The following KIF26B variants were observed in gnomAD, a reference collection of about 807,000 sequenced individuals.
The protein encoded by KIF26B is kinesin family member 26B, also known as kinesin-like protein KIF26B.
A neutral mutation model predicts 151.2 loss-of-function variants in KIF26B; 63 were observed. The ratio of observed to expected loss-of-function variants is 0.42; its 90% CI spans 0.34 to 0.51. The LOEUF (loss-of-function observed/expected upper bound fraction) is 0.51, where lower values mean the gene tolerates loss of function less well. Among genes scored for constraint, KIF26B ranks in the 20% least tolerant of loss-of-function variants. KIF26B has a pLI of 0.07. For missense variants in KIF26B, 2,813 were observed against 2,913.6 expected, an observed-to-expected ratio of 0.97 and a Z score of 0.79; for synonymous variants, 1,357 against 1,262.1, an observed-to-expected ratio of 1.08 and a Z score of -1.59.
chr1:245,178,943 A>G (rs1668857622), intron 2 of KIF26B, among the ~76,000 whole-genome samples: 1 of 148,274 alleles, frequency 6.7e-6, no homozygotes, highest in South Asian at 2.1e-4. Context: ...ATTCTTATCA[A>G]GCATTTACTT....
At chr1:245,683,049 T>C (rs2044460526) in intron 10 of KIF26B, among the ~76,000 whole-genome samples, 1 of 152,200 alleles carries the variant, frequency 6.6e-6, no homozygotes, top group African/African-American at 2.4e-5. Context: ...TACACCTTAA[T>C]TGATCCCAGA....
intron 12 of KIF26B, among the ~76,000 whole-genome samples, chr1:245,689,748 A>G (rs1227580096): frequency 6.6e-6 from 1 of 152,058 alleles, no homozygotes; most frequent in Non-Finnish European, 1.5e-5. Flanking sequence ...GGTAGAGACA[A>G]GGTTTTACCA....
In KIF26B at chr1:245,606,377, G is replaced by T. The variant is rs2043454569; in HGVS notation, c.1558-1274G>T. The stretch of plus-strand genomic sequence containing the variant: ...GGCACGCTGCCCCGAGGGCTGCAAA[G>T]CCCCATGTTAGCACTGCCTCCCGGA... On this transcript the variant is annotated intron_variant, in intron 6 of 14. Coordinates refer to ENST00000407071, the MANE Select transcript of KIF26B (RefSeq NM_018012.4). The surrounding 1 kb of genome is among the most constrained non-coding windows in gnomAD (Gnocchi z 4.6). 6.6e-6 allele frequency among the ~76,000 whole-genome samples: 1 copy of T among 152,222 alleles called. No homozygotes were observed. Among genetic ancestry groups the T allele is most frequent in the Admixed American group, 6.5e-5 (1 of 15,286 alleles).
chr1:245,392,508 C>T (rs1349140558), intron 3 of KIF26B, among the ~76,000 whole-genome samples: 1 of 152,134 alleles, frequency 6.6e-6, no homozygotes, highest in Non-Finnish European at 1.5e-5. Context: ...TATTAGAGTT[C>T]TAGGTTAGAT....
intron 4 of KIF26B, among the ~76,000 whole-genome samples, chr1:245,511,726 G>A (rs1660841900): frequency 6.6e-6 from 1 of 152,146 alleles, no homozygotes; most frequent in South Asian, 2.1e-4. Context: ...TGGGTTGCAG[G>A]CCACTGTCTA....
chr1:245,323,011 A>G (rs1671918334), intron 2 of KIF26B, among the ~76,000 whole-genome samples: 1 of 152,222 alleles, frequency 6.6e-6, no homozygotes, highest in African/African-American at 2.4e-5. Flanking sequence ...TCCTATTGAT[A>G]GTTGGCTTTG....
At chr1:245,439,357 A>AAG (rs1558166124) in intron 4 of KIF26B, among the ~76,000 whole-genome samples, 9 of 125,002 alleles carry the variant, frequency 7.2e-5, no homozygotes, top group Non-Finnish European at 9.7e-5. Flanking sequence ...AAAAAAAAAA[A>AAG]AAAAAAGAAA....
rs1338068596 is a variant in KIF26B at position 245,601,169 on chromosome 1, A to G, written c.1351-1408A>G. Among the ~76,000 whole-genome samples the G allele has an allele frequency of 1.3e-5, 2 of 152,160 alleles. No individual in the cohort carries two copies. The highest frequency in any genetic ancestry group is 4.8e-5 in the African/African-American group (2 of 41,440). The stretch of plus-strand genomic sequence containing the variant: ...CCCTCAGAGGTAGAGTGCGTCCCAC[A>G]CTCGGGCTCCTTCTACTGGGACACT... On this transcript the variant is annotated intron_variant, in intron 5 of 14. Transcript: ENST00000407071. The surrounding 1 kb of genome is among the most constrained non-coding windows in gnomAD (Gnocchi z 4.4).
At chr1:245,355,852 C>G (rs1045111448) in intron 2 of KIF26B, among the ~76,000 whole-genome samples, 1 of 152,170 alleles carries the variant, frequency 6.6e-6, no homozygotes, top group African/African-American at 2.4e-5. Flanking sequence ...TCCTCGGCTC[C>G]TGTCTGAAGG....
chr1:245,611,070 A>G (rs912944461), intron 8 of KIF26B, among the ~76,000 whole-genome samples: 7 of 152,252 alleles, frequency 4.6e-5, no homozygotes, highest in African/African-American at 1.4e-4. Flanking sequence ...AAGTATTTTC[A>G]TAAGATTCAG....
At chr1:245,608,432 C>T (rs2043480456) in intron 7 of KIF26B, among the ~76,000 whole-genome samples, 1 of 152,220 alleles carries the variant, frequency 6.6e-6, no homozygotes, top group Non-Finnish European at 1.5e-5. Context: ...AGTTCTCAGC[C>T]AGGACAGAAA....
rs1004452684 is a variant in KIF26B, at chr1:245,703,175, G to A, written c.*569G>A. ...TGTTTTATCCTATTTCTGACTTGCT[G>A]TTTCTAAGTAAGTTGTGTTTGTAGA... On this transcript the variant is annotated 3_prime_UTR_variant, in exon 15 of 15. Transcript: ENST00000407071. 1.3e-5 allele frequency: 2 copies of A among 152,700 alleles called. No homozygotes were observed. Among genetic ancestry groups the A allele is most frequent in the South Asian group, 2.1e-4 (1 of 4,826 alleles). 9.5% of individuals were successfully genotyped at this position (152,700 alleles called of 1,614,324 possible).
chr1:245,594,765 G>A (rs185140518), intron 5 of KIF26B, among the ~76,000 whole-genome samples: 14 of 152,264 alleles, frequency 9.2e-5, no homozygotes, highest in African/African-American at 3.4e-4. Context: ...GGGCAGTGTG[G>A]CCATATTCAC....
Position 245,427,755 on chromosome 1 carries a change from G to A in KIF26B, c.1166+8010G>A, listed in dbSNP as rs572880243. ...AGTTCCTTGCACTTGCCAGGGTCCCGTTCTGACTTGGTGTCTGTTCTTTTC... is the reference window on the plus strand; with the variant it reads ...AGTTCCTTGCACTTGCCAGGGTCCCATTCTGACTTGGTGTCTGTTCTTTTC... On this transcript the variant is annotated intron_variant, in intron 4 of 14. Transcript: ENST00000407071. Among the ~76,000 whole-genome samples the A allele has an allele frequency of 7.9e-5, 12 of 152,110 alleles. No homozygotes were observed. In the East Asian group the frequency reaches 1.5e-3, roughly 20 times the overall value.
chr1:245,345,935 CTTTT>C (rs773751148), intron 2 of KIF26B, among the ~76,000 whole-genome samples: 5 of 123,702 alleles, frequency 4.0e-5, no homozygotes, highest in South Asian at 2.4e-4. Flanking sequence ...TTCTTTCTTT[CTTTT>C]TTTTTTTTTT....
At chr1:245,672,337 G>C (rs189254476) in intron 10 of KIF26B, among the ~76,000 whole-genome samples, 1 of 152,150 alleles carries the variant, frequency 6.6e-6, no homozygotes, top group Non-Finnish European at 1.5e-5. Flanking sequence ...TAAGCTTCAC[G>C]CTGCTGACTA....
At chr1:245,172,501 A>G (rs890911471) in intron 2 of KIF26B, among the ~76,000 whole-genome samples, 3 of 152,150 alleles carry the variant, frequency 2.0e-5, no homozygotes, top group Non-Finnish European at 4.4e-5. Flanking sequence ...GCATTGACAG[A>G]CAGGAGGTGT....
chr1:245,290,232 G>C (rs1671233966), intron 2 of KIF26B, among the ~76,000 whole-genome samples: 1 of 152,004 alleles, frequency 6.6e-6, no homozygotes, highest in Non-Finnish European at 1.5e-5. Context: ...GTCTCACCTA[G>C]GTATACCTTA....
chr1:245,540,954 G>A lies in KIF26B; in HGVS notation c.1350+4G>A. 6.2e-7 allele frequency: 1 copy of A among 1,603,492 alleles called. No homozygotes were observed. Reference sequence around the variant, plus strand: ...GGACACCCCGGGGCTGGGCAAGGTAGGACCATCCGCCGTCCCTGCCATTTG... The same window carrying A: ...GGACACCCCGGGGCTGGGCAAGGTAAGACCATCCGCCGTCCCTGCCATTTG... On this transcript the variant is annotated splice_donor_region_variant and intron_variant, in intron 5 of 14. Coordinates refer to ENST00000407071, the MANE Select transcript of KIF26B (RefSeq NM_018012.4). This position sits in a 1 kb window ranked among gnomAD's most constrained non-coding sequence, Gnocchi z 4.6.
Sources: gnomAD v4.1 joint callset for allele counts (sites outside exome capture counted in the v4.1 genomes callset) on GRCh38, gnomAD v4.1.1 for gene constraint, Gnocchi (gnomAD v3.1) non-coding constraint, MANE v1.5 for transcripts, NCBI Gene and HGNC (gene_info 2026-07-23, HGNC 2026-07-21) for gene names.